The following HK2 variants were observed in gnomAD, a reference collection of about 807,000 sequenced individuals.
HK2 encodes hexokinase 2.
Under a neutral mutation model 92.9 loss-of-function variants are expected in HK2, and 42 were observed. That is an observed-to-expected ratio of 0.45 (90% CI 0.35 to 0.58). HK2 has a LOEUF of 0.58. Ranked by LOEUF, HK2 falls within the 20% of genes least tolerant of loss-of-function variation. The pLI, the probability that HK2 is intolerant of heterozygous loss-of-function variation, is 0.00. For missense variants in HK2, 978 were observed against 1,245.1 expected, an observed-to-expected ratio of 0.79 and a Z score of 3.23; for synonymous variants, 422 against 468.0, an observed-to-expected ratio of 0.90 and a Z score of 1.27.
intron 3 of HK2, among the ~76,000 whole-genome samples, chr2:74,869,268 T>C (rs931468348): frequency 3.3e-5 from 5 of 152,158 alleles, no homozygotes; most frequent in Non-Finnish European, 5.9e-5. Context: ...TCCTAAGGAA[T>C]AGGAAGACTG....
intron 2 of HK2, among the ~76,000 whole-genome samples, chr2:74,857,989 C>T (rs542491214): frequency 6.6e-6 from 1 of 152,324 alleles, no homozygotes; most frequent in Non-Finnish European, 1.5e-5. Flanking sequence ...CCACCTTTCT[C>T]AGAACATTCG....
In HK2 at chr2:74,872,217, T is replaced by TA. The variant is rs1370069296; in HGVS notation, c.376-82dup. 2.8e-6 allele frequency: 4 copies of TA among 1,421,230 alleles called. 1 individual carries two copies. The highest frequency in any genetic ancestry group is 4.4e-4 in the Middle Eastern group (2 of 4,508). 88.0% of individuals were successfully genotyped at this position (1,421,230 alleles called of 1,614,324 possible). ...TGGGTTTTGCACACATTCAGCTAGTTACGTGCTGAGCCTGAAGTGCATGCC... is the reference window on the plus strand; with the variant it reads ...TGGGTTTTGCACACATTCAGCTAGTTAACGTGCTGAGCCTGAAGTGCATGCC... On this transcript the variant is annotated intron_variant, in intron 3 of 17. Coordinates refer to ENST00000290573, the MANE Select transcript of HK2 (RefSeq NM_000189.5).
intron 3 of HK2, chr2:74,868,021 A>C (rs577547151): frequency 2.0e-6 from 1 of 503,298 alleles, no homozygotes; most frequent in African/African-American, 1.9e-5. Context: ...CATGAAATCC[A>C]AGTAAGACGC....
intron 2 of HK2, among the ~76,000 whole-genome samples, chr2:74,859,173 A>G (rs1441559437): frequency 2.0e-5 from 3 of 152,226 alleles, no homozygotes; most frequent in Non-Finnish European, 2.9e-5. Flanking sequence ...CAATCCTTCT[A>G]TCCATCAGTC....
intron 9 of HK2, among the ~76,000 whole-genome samples, chr2:74,879,889 T>A (rs1340343603): frequency 2.0e-5 from 3 of 152,184 alleles, no homozygotes; most frequent in Admixed American, 2.0e-4. Context: ...ATAGGTGGCA[T>A]CAGAACCACC....
rs572172494 is a variant in HK2 at position 74,860,017 on chromosome 2, A to G, written c.226+5562A>G. 2.6e-5 allele frequency among the ~76,000 whole-genome samples: 4 copies of G among 152,354 alleles called. No individual in the cohort carries two copies. The South Asian group carries it at 8.3e-4, about 32-fold the overall frequency. The stretch of plus-strand genomic sequence containing the variant: ...AATAGAATGAAATAATGTATTTTGC[A>G]GCATCATGGATGGAACTGGAGGCTG... On this transcript the variant is annotated intron_variant, in intron 2 of 17. Coordinates refer to ENST00000290573, the MANE Select transcript of HK2 (RefSeq NM_000189.5).
intron 1 of HK2, among the ~76,000 whole-genome samples, chr2:74,840,312 T>TG (rs1170474096): frequency 6.6e-6 from 1 of 151,242 alleles, no homozygotes; most frequent in Non-Finnish European, 1.5e-5. Context: ...TCCAGTACTC[T>TG]GGGGAGTTTG....
rs148486945 is a variant in HK2, at chr2:74,854,254, T to G, written c.64-39T>G. ...ACGTACACCTATGCCATAATTTATT[T>G]AACCAGTGGTTTCTGCTCTTGTCTT... On this transcript the variant is annotated intron_variant, in intron 1 of 17. Transcript: ENST00000290573. The G allele has an allele frequency of 9.6e-5, 154 of 1,602,732 alleles. No homozygotes were observed. In the African/African-American group the frequency reaches 2.0e-3, roughly 20 times the overall value.
chr2:74,849,061 A>G (rs775471526), intron 1 of HK2, among the ~76,000 whole-genome samples: 8 of 152,164 alleles, frequency 5.3e-5, no homozygotes, highest in Non-Finnish European at 1.0e-4. Flanking sequence ...TTCGAAGTGG[A>G]GCCTCCATGA....
Position 74,834,636 on chromosome 2 carries a change from TGCA to T in HK2, c.58_60del (p.Gln20del). 1 of 1,613,946 alleles carries T rather than the reference TGCA, an allele frequency of 6.2e-7. No individual in the cohort carries two copies. Among genetic ancestry groups the T allele is most frequent in the Non-Finnish European group, 8.5e-7 (1 of 1,179,862 alleles). ...TTCACGGAGCTCAACCATGACCAAG[TGCA>T]GAAGGTAAGTCAGCGCGGGCGGGGC... On this transcript the variant is annotated inframe_deletion, in exon 1 of 18. Coordinates refer to ENST00000290573, the MANE Select transcript of HK2 (RefSeq NM_000189.5). The surrounding 1 kb of genome is among the most constrained non-coding windows in gnomAD (Gnocchi z 4.2).
intron 2 of HK2, among the ~76,000 whole-genome samples, chr2:74,863,680 A>G (rs1221663417): frequency 1.3e-5 from 2 of 152,154 alleles, no homozygotes; most frequent in African/African-American, 2.4e-5. Flanking sequence ...AGAGCAGTCC[A>G]CTGTTGTGTG....
Position 74,873,807 on chromosome 2 carries a change from A to T in HK2, c.592-37A>T. The T allele has an allele frequency of 2.1e-6, 3 of 1,453,604 alleles. No homozygotes were observed. In the South Asian group the frequency reaches 3.4e-5, roughly 17 times the overall value. The allele number at this position is 1,453,604 out of a possible 1,614,324, so 90.0% of individuals were successfully genotyped here. A position where few individuals can be genotyped will look rare whatever the true frequency, so the allele number is the denominator to read the frequency against. Reference sequence around the variant, plus strand: ...GGTGTTAGGAAAGTCGCCCTCTGTGATGATGAAGGTCAGAGCCCTCCCATT... The same window carrying T: ...GGTGTTAGGAAAGTCGCCCTCTGTGTTGATGAAGGTCAGAGCCCTCCCATT... On this transcript the variant is annotated intron_variant, in intron 5 of 17. Transcript: ENST00000290573.
chr2:74,880,719 A>T (rs76983005), intron 10 of HK2, 150 bp downstream of exon 10: 2 of 810,636 alleles, frequency 2.5e-6, no homozygotes, highest in Non-Finnish European at 4.0e-6. Flanking sequence ...TCTTTGATAA[A>T]CTCAAACAAG....
In HK2 at chr2:74,834,714, C is replaced by T; in HGVS notation, c.63+71C>T. ...GTCTGGCCTCCATCAGTCTCTTCCTCGACCCTGCGGGGACCCGCTTCCTCC... is the reference window on the plus strand; with the variant it reads ...GTCTGGCCTCCATCAGTCTCTTCCTTGACCCTGCGGGGACCCGCTTCCTCC... On this transcript the variant is annotated intron_variant, in intron 1 of 17. Transcript: ENST00000290573. The surrounding 1 kb of genome is among the most constrained non-coding windows in gnomAD (Gnocchi z 4.2). 2.0e-6 allele frequency: 3 copies of T among 1,530,782 alleles called. No individual in the cohort carries two copies. The highest frequency in any genetic ancestry group is 2.3e-5 in the East Asian group (1 of 44,248). The allele number at this position is 1,530,782 out of a possible 1,614,324, so 94.8% of individuals were successfully genotyped here.
At chr2:74,877,392 A>AG (rs1689261061) in intron 8 of HK2, 71 bp downstream of exon 8, 1 of 1,552,182 alleles carries the variant, frequency 6.4e-7, no homozygotes, top group Non-Finnish European at 8.9e-7. Flanking sequence ...GGGAATGAGG[A>AG]GGGGGCTGTA....
Position 74,873,374 on chromosome 2 carries a change from G to A in HK2, c.591+3G>A. On this transcript the variant is annotated splice_donor_region_variant and intron_variant, in intron 5 of 17. Transcript: ENST00000290573. ...GGAAGGCCATCCAGAGGAGAGGGGT[G>A]AGTGGGGTGGCAGGAGCTTGGGGTC... 10 of 1,610,384 alleles carry A rather than the reference G, an allele frequency of 6.2e-6. No homozygotes were observed. Among genetic ancestry groups the A allele is most frequent in the East Asian group, 2.2e-5 (1 of 44,844 alleles).
intron 2 of HK2, among the ~76,000 whole-genome samples, chr2:74,856,151 G>A (rs1365314891): frequency 2.0e-5 from 3 of 151,880 alleles, no homozygotes; most frequent in Non-Finnish European, 4.4e-5. Context: ...GGGCGTTGTT[G>A]GGAGGGGAGT....
At position 74,890,985 on chromosome 2, in the gene HK2, C is replaced by T. The variant is rs199859726; in HGVS notation, c.*44C>T. ...GGACTTCCTCTTTCTCTCCTTCTTC[C>T]CTGTTTTAAATTATAAGATGTCATC... is the stretch of plus-strand genomic sequence containing the variant. On this transcript the variant is annotated 3_prime_UTR_variant, in exon 18 of 18. Coordinates refer to ENST00000290573, the MANE Select transcript of HK2 (RefSeq NM_000189.5). The T allele has an allele frequency of 3.9e-4, 623 of 1,606,844 alleles. 3 individuals are homozygous for T. The Middle Eastern group carries it at 4.8e-3, about 12-fold the overall frequency.
At chr2:74,886,173 G>A (rs1573391687) in intron 13 of HK2, 121 bp from the exon 14 acceptor site, 1 of 803,504 alleles carries the variant, frequency 1.2e-6, no homozygotes, top group Non-Finnish European at 2.1e-6. Context: ...TGAATGGAAT[G>A]AGAGGGTCAG....
Sources: gnomAD v4.1 joint callset for allele counts (sites outside exome capture counted in the v4.1 genomes callset) on GRCh38, gnomAD v4.1.1 for gene constraint, Gnocchi (gnomAD v3.1) non-coding constraint, MANE v1.5 for transcripts, NCBI Gene and HGNC (gene_info 2026-07-23, HGNC 2026-07-21) for gene names.